DCHS1: variants seen among roughly 807,000 people sequenced by gnomAD.
The protein encoded by DCHS1 is protocadherin-16.
Under a neutral mutation model 213.9 loss-of-function variants are expected in DCHS1, and 78 were observed. The observed-to-expected ratio is 0.36, with a 90% CI of 0.30 to 0.44. DCHS1 has a LOEUF of 0.44. DCHS1 is among the 20% of genes least tolerant of loss of function. DCHS1 has a pLI of 1.00. For synonymous variants in DCHS1, 1,828 were observed against 1,873.7 expected (o/e 0.98, Z 0.63); for missense variants, 3,946 against 4,395.9 (o/e 0.90, Z 2.89).
At chr11:6,648,933 A>G (rs60844224) in intron 1 of DCHS1, among the ~76,000 whole-genome samples, 16,263 of 152,170 alleles carry the variant, frequency 0.11, 1,965 homozygotes, top group African/African-American at 0.3. Flanking sequence ...CCACTTAAGC[A>G]TGAGTCTAGG....
rs186090878 is a variant in DCHS1, at chr11:6,631,897, G to C, written c.3482-88C>G. On this transcript the variant is annotated intron_variant, in intron 6 of 20. Coordinates refer to ENST00000299441, the MANE Select transcript of DCHS1 (RefSeq NM_003737.4). ...CCTAAGAAGCTGGTGTTTGGGGAGT[G>C]GGGGAGGGAATGCCAGGGCTAAATC... 44 of 1,453,518 alleles carry C rather than the reference G, an allele frequency of 3.0e-5. 1 individual carries two copies. The Middle Eastern group carries it at 6.6e-3, about 217-fold the overall frequency. 90.0% of individuals were successfully genotyped at this position (1,453,518 alleles called of 1,614,324 possible).
intron 1 of DCHS1, among the ~76,000 whole-genome samples, chr11:6,648,679 A>T (rs1856202045): frequency 6.6e-6 from 1 of 152,228 alleles, no homozygotes; most frequent in African/African-American, 2.4e-5. Flanking sequence ...GGGCCAAGCC[A>T]GCTGGATTTG....
chr11:6,641,348 C>T lies in DCHS1; in HGVS notation c.266G>A (p.Gly89Asp), dbSNP rs1313748372. 3.1e-6 allele frequency: 5 copies of T among 1,613,438 alleles called. No homozygotes were observed. Among genetic ancestry groups the T allele is most frequent in the Non-Finnish European group, 4.2e-6 (5 of 1,179,892 alleles). The part of the protein sequence containing the change: ...FISAQEGSGV[G>D]TDLAIDEHSG... ...GTGTTCGTCAATGGCCAGGTCTGTG[C>T]CCACGCCGCTGCCCTCTTGGGCAGA... Residue 89 changes from glycine (G) to aspartate (D), a missense_variant, in exon 2 of 21, where the codon GGC becomes GAC. This residue lies in a region of DCHS1 where 3,384 missense variants were observed against 3,780.1 expected (regional missense o/e 0.90). Coordinates refer to ENST00000299441, the MANE Select transcript of DCHS1 (RefSeq NM_003737.4). The surrounding 1 kb of genome is among the most constrained non-coding windows in gnomAD (Gnocchi z 7.1).
chr11:6,621,646 G>T lies in DCHS1; in HGVS notation c.*133C>A. The T allele has an allele frequency of 9.6e-7, 1 of 1,037,778 alleles. No individual in the cohort carries two copies. Among genetic ancestry groups the T allele is most frequent in the Non-Finnish European group, 1.4e-6 (1 of 692,412 alleles). 64.3% of individuals were successfully genotyped at this position (1,037,778 alleles called of 1,614,324 possible). On this transcript the variant is annotated 3_prime_UTR_variant, in exon 21 of 21. Coordinates refer to ENST00000299441, the MANE Select transcript of DCHS1 (RefSeq NM_003737.4). ...CTCTGAGGGGGCTGGGGAGTTCAGG[G>T]TGGAGAGCTGGGGCCTGGTGGTGGC...
At position 6,641,049 on chromosome 11, in the gene DCHS1, C is replaced by G; in HGVS notation, c.565G>C (p.Glu189Gln). ...GYALSGDGAG[E>Q]TFRLETRPGP... The stretch of plus-strand genomic sequence containing the variant: ...GGGCGTGTCTCCAGCCGGAAGGTCT[C>G]TCCAGCCCCATCACCAGATAGCGCA... Residue 189 changes from glutamate to glutamine, a missense_variant, in exon 2 of 21, where the codon GAG (glutamate) becomes CAG (glutamine). This residue lies in a region of DCHS1 where 3,384 missense variants were observed against 3,780.1 expected (regional missense o/e 0.90). Transcript: ENST00000299441. This position sits in a 1 kb window ranked among gnomAD's most constrained non-coding sequence, Gnocchi z 7.1. 1 of 1,614,038 alleles carries G rather than the reference C, an allele frequency of 6.2e-7. No individual in the cohort carries two copies. The highest frequency in any genetic ancestry group is 8.5e-7 in the Non-Finnish European group (1 of 1,179,906).
At position 6,634,369 on chromosome 11, in the gene DCHS1, G is replaced by T. The variant is rs144674970; in HGVS notation, c.1798-63C>A. 4.4e-4 allele frequency: 662 copies of T among 1,504,320 alleles called. 3 individuals carry two copies. The African/African-American group carries it at 7.8e-3, about 18-fold the overall frequency. 93.2% of individuals were successfully genotyped at this position (1,504,320 alleles called of 1,614,324 possible). On this transcript the variant is annotated intron_variant, in intron 2 of 20. Transcript: ENST00000299441. ...TTGCCAGAAAAGCCAGAGGTAGGTG[G>T]CCATTAGAATGAACAACTGGTGCTA...
chr11:6,631,146 CAGGGGAGCTGCAGTG>C lies in DCHS1; in HGVS notation c.3822_3836del (p.Thr1275_Leu1279del). 6.2e-7 allele frequency: 1 copy of C among 1,613,188 alleles called. No individual in the cohort carries two copies. The highest frequency in any genetic ancestry group is 8.5e-7 in the Non-Finnish European group (1 of 1,179,394). ...CATAGTGGGGCCGCTCTGCTCGGAT[CAGGGGAGCTGCAGTG>C]AGCAGCTCCCCTGAGTGAGGGTGCA... On this transcript the variant is annotated inframe_deletion, in exon 9 of 21. Transcript: ENST00000299441.
Position 6,641,417 on chromosome 11 carries a change from G to T in DCHS1, c.197C>A (p.Ala66Glu). The T allele has an allele frequency of 6.2e-7, 1 of 1,613,060 alleles. No individual in the cohort carries two copies. Among genetic ancestry groups the T allele is most frequent in the Non-Finnish European group, 8.5e-7 (1 of 1,179,746 alleles). The part of the protein sequence containing the change: ...PAGTLIGDIS[A>E]GLPAGTAAPL... ...AGCTGCCGTGCCTGCCGGAAGCCCCGCACTGATGTCGCCAATCAGTGTACC... is the reference window on the plus strand; with the variant it reads ...AGCTGCCGTGCCTGCCGGAAGCCCCTCACTGATGTCGCCAATCAGTGTACC... The change falls in exon 2 of 21, where the codon GCG becomes GAG. Residue 66 changes from alanine to glutamate, a missense_variant. Transcript: ENST00000299441. This position sits in a 1 kb window ranked among gnomAD's most constrained non-coding sequence, Gnocchi z 7.1.
Position 6,623,146 on chromosome 11 carries a change from CA to C in DCHS1, c.8529del (p.Ala2844ProfsTer55). On this transcript the variant is annotated frameshift_variant, in exon 21 of 21. Coordinates refer to ENST00000299441, the MANE Select transcript of DCHS1 (RefSeq NM_003737.4). LOFTEE classifies it high-confidence loss of function. ...AGGGAATACAGAACCAGGCCATCGG[CA>C]CCCCCATCCTCATCTGTGGCCTGCA... The part of the protein sequence containing the change: ...GHVQATDEDG[G>X]ADGLVLYSLA... 1 of 1,608,848 alleles carries C rather than the reference CA, an allele frequency of 6.2e-7. No homozygotes were observed. The highest frequency in any genetic ancestry group is 8.5e-7 in the Non-Finnish European group (1 of 1,177,698).
At position 6,639,821 on chromosome 11, in the gene DCHS1, A is replaced by C; in HGVS notation, c.1793T>G (p.Leu598Arg). 1 of 1,592,086 alleles carries C rather than the reference A, an allele frequency of 6.3e-7. No individual in the cohort carries two copies. Among genetic ancestry groups the C allele is most frequent in the Non-Finnish European group, 8.6e-7 (1 of 1,166,336 alleles). The change falls in exon 2 of 21, where the codon CTG becomes CGG. Residue 598 changes from leucine to arginine, a missense_variant. This residue lies in a region of DCHS1 where 3,384 missense variants were observed against 3,780.1 expected (regional missense o/e 0.90). Transcript: ENST00000299441. ...PEGTQPGTCF[L>R]QVTATDADSG... ...CTATGTGCCAGGCCTACCCACCTGC[A>C]GGAAGCAAGTTCCAGGCTGGGTGCC... is the stretch of plus-strand genomic sequence containing the variant.
At chr11:6,635,832 T>A (rs568095468) in intron 2 of DCHS1, among the ~76,000 whole-genome samples, 3 of 152,316 alleles carry the variant, frequency 2.0e-5, no homozygotes, top group African/African-American at 2.4e-5. Flanking sequence ...TGTCAGGAAG[T>A]GACCCCAAAA....
At chr11:6,649,547 AG>A (rs1856214578) in intron 1 of DCHS1, among the ~76,000 whole-genome samples, 1 of 152,068 alleles carries the variant, frequency 6.6e-6, no homozygotes, top group African/African-American at 2.4e-5. Flanking sequence ...ACACATGTGA[AG>A]TGATTCATTG....
chr11:6,653,738 C>A (rs1297217651), intron 1 of DCHS1, among the ~76,000 whole-genome samples: 1 of 152,098 alleles, frequency 6.6e-6, no homozygotes, highest in Non-Finnish European at 1.5e-5. Context: ...GACAAGGAAA[C>A]ACAGTGGCCA....
rs1485639393 is a variant in DCHS1 at position 6,622,330 on chromosome 11, C to T, written c.9346G>A (p.Ala3116Thr). 1.2e-5 allele frequency: 20 copies of T among 1,603,782 alleles called. No individual in the cohort carries two copies. The highest frequency in any genetic ancestry group is 8.5e-7 in the Non-Finnish European group (1 of 1,175,416). ...CCACAGCCCCCCAGGAAGGCTGTGG[C>T]AGTGGCTGGGGGCCCCTCCTCTCTG... is the stretch of plus-strand genomic sequence containing the variant. ...LYREEGPPAT[A>T]TAFLGGCGLS... The change falls in exon 21 of 21, where the codon GCC (alanine) becomes ACC (threonine). Residue 3116 changes from alanine to threonine, a missense_variant. Ala to Thr is a moderately conservative substitution (Grantham distance 58, BLOSUM62 0). Around this residue, in one of 3 missense-constraint regions of DCHS1, gnomAD observed 554 missense variants for 590.2 expected, o/e 0.94. Coordinates refer to ENST00000299441, the MANE Select transcript of DCHS1 (RefSeq NM_003737.4). The surrounding 1 kb of genome is among the most constrained non-coding windows in gnomAD (Gnocchi z 5.4).
At position 6,627,580 on chromosome 11, in the gene DCHS1, G is replaced by T. The variant is rs1416928894; in HGVS notation, c.5459C>A (p.Ala1820Asp). ...MRPLDREVEP[A>D]FQLRIEARDG... ...CCGGGCCTCTATCCTCAGCTGGAAA[G>T]CTGGCTCCACTTCTCTGTCTAGTGG... The change falls in exon 14 of 21, where the codon GCT (alanine) becomes GAT (aspartate). Residue 1820 changes from alanine (A) to aspartate (D), a missense_variant. By Grantham distance (126) the Ala-to-Asp change is moderately radical (BLOSUM62 -2). This residue lies in a region of DCHS1 where 3,384 missense variants were observed against 3,780.1 expected (regional missense o/e 0.90). Transcript: ENST00000299441. This position sits in a 1 kb window ranked among gnomAD's most constrained non-coding sequence, Gnocchi z 5.4. 1 of 1,613,012 alleles carries T rather than the reference G, an allele frequency of 6.2e-7. No individual in the cohort carries two copies. The highest frequency in any genetic ancestry group is 1.7e-5 in the Admixed American group (1 of 59,938).
chr11:6,639,087 G>A (rs11040940), intron 2 of DCHS1, among the ~76,000 whole-genome samples: 54,007 of 150,726 alleles, frequency 0.36, 11,673 homozygotes, highest in East Asian at 0.52. Flanking sequence ...TCCAGCCTGG[G>A]CAACAGAGCG....
intron 1 of DCHS1, among the ~76,000 whole-genome samples, chr11:6,650,467 T>G (rs1297826583): frequency 6.6e-6 from 1 of 152,076 alleles, no homozygotes; most frequent in Admixed American, 6.5e-5. Context: ...CATGAACCCC[T>G]GGGAGGGGCT....
rs1855788086 is a variant in DCHS1, at chr11:6,625,771, G to A, written c.6732-44C>T. The A allele has an allele frequency of 6.3e-7, 1 of 1,590,936 alleles. No individual in the cohort carries two copies. The highest frequency in any genetic ancestry group is 8.6e-7 in the Non-Finnish European group (1 of 1,168,034). ...CATCGGGTGGGACATGGCAATAAGG[G>A]GGAACTCTGGGCAGGGCCAGGAGGA... On this transcript the variant is annotated intron_variant, in intron 17 of 20. Transcript: ENST00000299441. This position sits in a 1 kb window ranked among gnomAD's most constrained non-coding sequence, Gnocchi z 5.3.
chr11:6,642,996 G>A (rs904650990), intron 1 of DCHS1, among the ~76,000 whole-genome samples: 1 of 152,174 alleles, frequency 6.6e-6, no homozygotes, highest in African/African-American at 2.4e-5. Flanking sequence ...TGTTTGAAGT[G>A]AGGGGAAGAA....
Sources: allele counts gnomAD v4.1 joint callset (sites outside exome capture counted in the v4.1 genomes callset), GRCh38; gene constraint gnomAD v4.1.1; regional missense constraint gnomAD v4.1.1; non-coding constraint Gnocchi (gnomAD v3.1); transcripts MANE v1.5; gene names NCBI Gene and HGNC (gene_info 2026-07-23, HGNC 2026-07-21).